The following CDC7 variants were observed in gnomAD, a reference collection of about 807,000 sequenced individuals.
The protein encoded by CDC7 is cell division cycle 7-related protein kinase.
CDC7 carries 34 observed loss-of-function variants against 53.5 expected under a neutral mutation model. That is an observed-to-expected ratio of 0.64 (90% CI 0.48 to 0.85). The LOEUF is 0.85. Among genes scored for constraint, CDC7 ranks in the 40% least tolerant of loss-of-function variants. The pLI is 0.00. For synonymous variants in CDC7, 211 were observed against 222.8 expected, an observed-to-expected ratio of 0.95 and a Z score of 0.47; for missense variants, 594 against 679.7, an observed-to-expected ratio of 0.87 and a Z score of 1.40.
In CDC7 at chr1:91,513,324, T is replaced by G. The variant is rs1273596615; in HGVS notation, c.822+17T>G. 2 of 1,606,414 alleles carry G rather than the reference T, an allele frequency of 1.2e-6. No homozygotes were observed. Among genetic ancestry groups the G allele is most frequent in the South Asian group, 2.2e-5 (2 of 90,780 alleles). ...GACGGAAAGGTTCTATCTCTTTTAT[T>G]TCTTAAGTACCGACACTGTTTTAGA... On this transcript the variant is annotated intron_variant, in intron 7 of 11. Transcript: ENST00000234626.
Position 91,524,152 on chromosome 1 carries a change from G to T in CDC7, c.1442G>T (p.Gly481Val). ...CCCAAGTTAACAAGTGATATACAAG[G>T]GCATGCTTCTCATCAACCAGCTATT... ...STPKLTSDIQ[G>V]HASHQPAISE... is the part of the protein sequence containing the mutation. Residue 481 changes from glycine (G) to valine (V), a missense_variant, in exon 12 of 12, where the codon GGG becomes GTG. Coordinates refer to ENST00000234626, the MANE Select transcript of CDC7 (RefSeq NM_003503.4). 6.2e-7 allele frequency: 1 copy of T among 1,613,938 alleles called. No individual in the cohort carries two copies. The highest frequency in any genetic ancestry group is 8.5e-7 in the Non-Finnish European group (1 of 1,179,956).
chr1:91,515,288 T>C (rs1667500287), intron 9 of CDC7, among the ~76,000 whole-genome samples: 1 of 152,204 alleles, frequency 6.6e-6, no homozygotes, highest in South Asian at 2.1e-4. Flanking sequence ...ATGTAGTCTT[T>C]TCTGTTTTCT....
intron 8 of CDC7, among the ~76,000 whole-genome samples, chr1:91,514,372 A>G (rs1667445267): frequency 6.6e-6 from 1 of 152,214 alleles, no homozygotes; most frequent in South Asian, 2.1e-4. Context: ...GATAGTGTAA[A>G]GATGTTTGTA....
At chr1:91,512,492 C>A (rs1245646136) in intron 6 of CDC7, among the ~76,000 whole-genome samples, 1 of 151,920 alleles carries the variant, frequency 6.6e-6, no homozygotes, top group East Asian at 1.9e-4. Flanking sequence ...CACATGATAG[C>A]CAATTTCCTG....
chr1:91,505,384 A>G (rs1481280049), intron 2 of CDC7, among the ~76,000 whole-genome samples: 1 of 152,036 alleles, frequency 6.6e-6, no homozygotes, highest in East Asian at 1.9e-4. Flanking sequence ...TTATCAGAAT[A>G]CTCTGTTTAA....
At position 91,524,457 on chromosome 1, in the gene CDC7, T is replaced by G; in HGVS notation, c.*22T>G. On this transcript the variant is annotated 3_prime_UTR_variant, in exon 12 of 12. Transcript: ENST00000234626. Reference sequence around the variant, plus strand: ...GTGATAATGGATCTTCATTTAATGTTTACTGTTATGAGGTAGAATAAAAAA... The same window carrying G: ...GTGATAATGGATCTTCATTTAATGTGTACTGTTATGAGGTAGAATAAAAAA... 6.4e-7 allele frequency: 1 copy of G among 1,562,540 alleles called. No homozygotes were observed. The highest frequency in any genetic ancestry group is 8.7e-7 in the Non-Finnish European group (1 of 1,152,370).
intron 11 of CDC7, among the ~76,000 whole-genome samples, chr1:91,522,132 T>C (rs1196363794): frequency 6.6e-6 from 1 of 152,102 alleles, no homozygotes; most frequent in African/African-American, 2.4e-5. Context: ...ACCACTGCAC[T>C]CCAGCCTGAC....
intron 2 of CDC7, among the ~76,000 whole-genome samples, chr1:91,503,628 C>T (rs562143257): frequency 3.3e-5 from 5 of 152,242 alleles, no homozygotes; most frequent in Non-Finnish European, 5.9e-5. Flanking sequence ...GGATGAATAG[C>T]ATGTCTCTTT....
At chr1:91,509,749 G>A (rs1336616907) in intron 4 of CDC7, among the ~76,000 whole-genome samples, 1 of 151,790 alleles carries the variant, frequency 6.6e-6, no homozygotes, top group Non-Finnish European at 1.5e-5. Context: ...GTTTCCCTAT[G>A]TACTTTGAAA....
intron 10 of CDC7, among the ~76,000 whole-genome samples, chr1:91,519,203 G>C (rs1042706186): frequency 6.9e-6 from 1 of 145,928 alleles, no homozygotes; most frequent in Non-Finnish European, 1.5e-5. Context: ...TTGAGCCCAG[G>C]AGCTTGAGAC....
intron 11 of CDC7, among the ~76,000 whole-genome samples, chr1:91,523,095 T>A (rs1320967439): frequency 6.6e-6 from 1 of 152,226 alleles, no homozygotes; most frequent in Non-Finnish European, 1.5e-5. Context: ...TTTATATTTT[T>A]AAAAACAGAT....
chr1:91,511,176 T>G (rs757719638), intron 4 of CDC7, among the ~76,000 whole-genome samples: 3 of 152,158 alleles, frequency 2.0e-5, no homozygotes, highest in African/African-American at 4.8e-5. Flanking sequence ...TTTTCCTCTT[T>G]TATGAAGCAG....
At chr1:91,516,839 C>T (rs145276465) in intron 10 of CDC7, among the ~76,000 whole-genome samples, 63 of 152,194 alleles carry the variant, frequency 4.1e-4, no homozygotes, top group Admixed American at 9.8e-4. Context: ...CTGAGATGGG[C>T]GGATCACCTG....
intron 11 of CDC7, 50 bp from the exon 12 acceptor site, chr1:91,523,991 A>C: frequency 6.9e-7 from 1 of 1,448,690 alleles, no homozygotes; most frequent in Non-Finnish European, 9.3e-7. Context: ...GATATATTCA[A>C]ATAATAAAAT....
intron 4 of CDC7, among the ~76,000 whole-genome samples, chr1:91,511,171 C>T (rs1296711927): frequency 1.3e-5 from 2 of 152,016 alleles, no homozygotes; most frequent in South Asian, 2.1e-4. Flanking sequence ...TCCTATTTTC[C>T]TCTTTTATGA....
chr1:91,505,988 T>G (rs1666965260), intron 2 of CDC7, among the ~76,000 whole-genome samples: 1 of 152,076 alleles, frequency 6.6e-6, no homozygotes, highest in Non-Finnish European at 1.5e-5. Flanking sequence ...CTCAGCCACA[T>G]TCTATTTCTA....
At chr1:91,511,456 G>GT in intron 4 of CDC7, 141 bp from the exon 5 acceptor site, 1 of 545,288 alleles carries the variant, frequency 1.8e-6, no homozygotes, top group East Asian at 2.9e-5. Context: ...AGTCACTTGT[G>GT]TTTATATTAT....
chr1:91,523,954 TTCA>T (rs2102413712), intron 11 of CDC7, 84 bp from the exon 12 acceptor site: 1 of 995,764 alleles, frequency 1.0e-6, no homozygotes, highest in Admixed American at 2.8e-5. Flanking sequence ...TGTTTGAACT[TTCA>T]TGTTTCTCAT....
intron 7 of CDC7, among the ~76,000 whole-genome samples, chr1:91,513,519 T>C (rs948575769): frequency 6.6e-6 from 1 of 152,220 alleles, no homozygotes; most frequent in Admixed American, 6.5e-5. Flanking sequence ...TTTGTCAGTT[T>C]ATAACATCTG....
Sources: allele counts gnomAD v4.1 joint callset (sites outside exome capture counted in the v4.1 genomes callset), GRCh38; gene constraint gnomAD v4.1.1; transcripts MANE v1.5; gene names NCBI Gene and HGNC (gene_info 2026-07-23, HGNC 2026-07-21).